Variants in NCAPH2 observed in about 807,000 individuals in gnomAD.
NCAPH2 encodes the protein non-SMC condensin II complex subunit H2.
Under a neutral mutation model 88.6 loss-of-function variants are expected in NCAPH2, and 56 were observed. That is an observed-to-expected ratio of 0.63 (90% CI 0.51 to 0.79). The LOEUF (loss-of-function observed/expected upper bound fraction) is 0.79, where lower values mean the gene tolerates loss of function less well. Ranked by LOEUF, NCAPH2 falls within the 30% of genes least tolerant of loss-of-function variation. NCAPH2 has a pLI of 0.00. For synonymous variants in NCAPH2, 378 were observed against 313.6 expected (o/e 1.21, Z -2.17); for missense variants, 794 against 792.0 (o/e 1.00, Z -0.03).
rs747074813 is a variant in NCAPH2, at chr22:50,522,434, G to T, written c.1306+19G>T. The T allele has an allele frequency of 1.9e-6, 3 of 1,612,346 alleles. No individual in the cohort carries two copies. The highest frequency in any genetic ancestry group is 1.1e-5 in the South Asian group (1 of 91,044). On this transcript the variant is annotated intron_variant, in intron 15 of 19. Transcript: ENST00000420993. ...GCAGCAGGTGGGTGCCTGCCAGGGGGTGGGGTGGGGCTTGGCACCTGCCGA... is the reference window on the plus strand; with the variant it reads ...GCAGCAGGTGGGTGCCTGCCAGGGGTTGGGGTGGGGCTTGGCACCTGCCGA...
At chr22:50,509,324 T>C (rs1195230150) in intron 1 of NCAPH2, among the ~76,000 whole-genome samples, 1 of 152,230 alleles carries the variant, frequency 6.6e-6, no homozygotes, top group Non-Finnish European at 1.5e-5. Context: ...GCTGCTCTCT[T>C]GACATCTAGT....
rs1352064111 is a variant in NCAPH2, at chr22:50,524,681, C to G, written c.*1306C>G. 8.9e-6 allele frequency: 6 copies of G among 676,140 alleles called. No homozygotes were observed. The Admixed American group carries it at 1.2e-4, about 14-fold the overall frequency. The allele number at this position is 676,140 out of a possible 1,614,324, so 41.9% of individuals were successfully genotyped here. A position where few individuals can be genotyped will look rare whatever the true frequency, so the allele number is the denominator to read the frequency against. On this transcript the variant is annotated 3_prime_UTR_variant, in exon 20 of 20. Transcript: ENST00000420993. ...CGCACCCTGCCCTGCACCTGCACCT[C>G]AGCAAGGTGAACCTCTTGCTGACGG...
rs559020419 is a variant in NCAPH2 at position 50,511,492 on chromosome 22, C to A, written c.108+3047C>A. ...TTTTTTAGTAGAGACGGGGTTTCAC[C>A]GTGTTAGCCAGGATGGTCTCGATCT... On this transcript the variant is annotated intron_variant, in intron 1 of 19. Transcript: ENST00000420993. 2.2e-3 allele frequency among the ~76,000 whole-genome samples: 314 copies of A among 141,756 alleles called. 47 individuals carry two copies. Among genetic ancestry groups the A allele is most frequent in the African/African-American group, 9.2e-3 (301 of 32,612 alleles). 93.0% of individuals were successfully genotyped at this position (141,756 alleles called of 152,430 possible). A position where few individuals can be genotyped will look rare whatever the true frequency, so the allele number is the denominator to read the frequency against.
At position 50,518,018 on chromosome 22, in the gene NCAPH2, G is replaced by T. The variant is rs1172915853; in HGVS notation, c.466G>T (p.Asp156Tyr). 6.2e-7 allele frequency: 1 copy of T among 1,613,912 alleles called. No homozygotes were observed. The highest frequency in any genetic ancestry group is 8.5e-7 in the Non-Finnish European group (1 of 1,179,982). ...CCTGCCCATGGCCCTGGTGGCCCCT[G>T]ATGAAATGGAGAAGAACAACAATCC... is the stretch of plus-strand genomic sequence containing the variant. The part of the protein sequence containing the change: ...PLLPMALVAP[D>Y]EMEKNNNPLY... Residue 156 changes from aspartate to tyrosine, a missense_variant, in exon 6 of 20, where the codon GAT becomes TAT. Around this residue, in one of 2 missense-constraint regions of NCAPH2, gnomAD observed 735 missense variants for 696.3 expected, o/e 1.06. Coordinates refer to ENST00000420993, the MANE Select transcript of NCAPH2 (RefSeq NM_152299.4).
At chr22:50,516,411 C>T (rs1225986733) in intron 1 of NCAPH2, 36 bp from the exon 2 acceptor site, 1 of 1,603,976 alleles carries the variant, frequency 6.2e-7, no homozygotes, top group South Asian at 1.1e-5. Context: ...CAGACTGGGC[C>T]TTGGATTCCC....
In NCAPH2 at chr22:50,524,515, G is replaced by T; in HGVS notation, c.*1140G>T. The T allele has an allele frequency of 8.5e-7, 1 of 1,177,888 alleles. No individual in the cohort carries two copies. The highest frequency in any genetic ancestry group is 1.2e-6 in the Non-Finnish European group (1 of 803,378). The allele number at this position is 1,177,888 out of a possible 1,614,324, so 73.0% of individuals were successfully genotyped here. ...GCGACTTGAGACCAGCCACCCATCT[G>T]AAGGACCCAGCCCACGTTCAGGCTT... On this transcript the variant is annotated 3_prime_UTR_variant, in exon 20 of 20. Coordinates refer to ENST00000420993, the MANE Select transcript of NCAPH2 (RefSeq NM_152299.4).
At position 50,516,603 on chromosome 22, in the gene NCAPH2, C is replaced by G. The variant is rs11912147; in HGVS notation, c.210+55C>G. The G allele has an allele frequency of 4.2e-3, 6,475 of 1,532,630 alleles. 178 individuals are homozygous for G. In the African/African-American group the frequency reaches 0.066, roughly 16 times the overall value. The allele number at this position is 1,532,630 out of a possible 1,614,324, so 94.9% of individuals were successfully genotyped here. ...TTTTGGTGGCCAGTGGGACCACAGT[C>G]GGCTCTCCTTCTGGGGCAGGTGCAG... On this transcript the variant is annotated intron_variant, in intron 2 of 19. Coordinates refer to ENST00000420993, the MANE Select transcript of NCAPH2 (RefSeq NM_152299.4).
At position 50,519,170 on chromosome 22, in the gene NCAPH2, C is replaced by T. The variant is rs1569520760; in HGVS notation, c.731-20C>T. 2 of 1,590,686 alleles carry T rather than the reference C, an allele frequency of 1.3e-6. No individual in the cohort carries two copies. The highest frequency in any genetic ancestry group is 1.7e-6 in the Non-Finnish European group (2 of 1,170,202). On this transcript the variant is annotated intron_variant, in intron 8 of 19. Coordinates refer to ENST00000420993, the MANE Select transcript of NCAPH2 (RefSeq NM_152299.4). Reference sequence around the variant, plus strand: ...TCTCGGCACTCCTTGGAGCTGATCACTCTCTTGCTCCCTGCCTAGGCCCCT... The same window carrying T: ...TCTCGGCACTCCTTGGAGCTGATCATTCTCTTGCTCCCTGCCTAGGCCCCT...
intron 1 of NCAPH2, among the ~76,000 whole-genome samples, chr22:50,511,048 G>A (rs12484990): frequency 0.017 from 2,589 of 151,302 alleles, 123 homozygotes; most frequent in East Asian, 0.089. Flanking sequence ...GGGTTTTACC[G>A]TGTTAGCCAG....
Position 50,523,547 on chromosome 22 carries a change from C to A in NCAPH2, c.*172C>A. The A allele has an allele frequency of 6.3e-7, 1 of 1,589,592 alleles. No individual in the cohort carries two copies. Among genetic ancestry groups the A allele is most frequent in the Middle Eastern group, 2.2e-4 (1 of 4,620 alleles). On this transcript the variant is annotated 3_prime_UTR_variant, in exon 20 of 20. Transcript: ENST00000420993. ...GCCTGGCCTCCCTGGGCCGCTGGTA[C>A]AGATCACACACACACACAGATTAAA...
chr22:50,511,527 A>G (rs6010125), intron 1 of NCAPH2, among the ~76,000 whole-genome samples: 6,674 of 131,532 alleles, frequency 0.051, 866 homozygotes, highest in Middle Eastern at 0.21. Flanking sequence ...TCCTGACCTC[A>G]TGATCCACCC....
chr22:50,515,614 T>G (rs1241920381), intron 1 of NCAPH2: 19 of 819,158 alleles, frequency 2.3e-5, no homozygotes, highest in Admixed American at 3.6e-5. Flanking sequence ...GCCAGGATGG[T>G]CTCGATCTCC....
Position 50,524,202 on chromosome 22 carries a change from T to G in NCAPH2, c.*827T>G, listed in dbSNP as rs898428154. The G allele has an allele frequency of 1.2e-6, 2 of 1,608,216 alleles. No individual in the cohort carries two copies. Among genetic ancestry groups the G allele is most frequent in the Non-Finnish European group, 1.7e-6 (2 of 1,179,896 alleles). Reference sequence around the variant, plus strand: ...TCAGGGCCAGCCAGGCCCCACCGAGTCCAGCCCCGAACAGGCCTGTGATCA... The same window carrying G: ...TCAGGGCCAGCCAGGCCCCACCGAGGCCAGCCCCGAACAGGCCTGTGATCA... On this transcript the variant is annotated 3_prime_UTR_variant, in exon 20 of 20. Coordinates refer to ENST00000420993, the MANE Select transcript of NCAPH2 (RefSeq NM_152299.4).
intron 1 of NCAPH2, among the ~76,000 whole-genome samples, chr22:50,513,138 G>A (rs1461744765): frequency 6.6e-6 from 1 of 152,258 alleles, no homozygotes; most frequent in Non-Finnish European, 1.5e-5. Context: ...AACCTTGTTA[G>A]TAGAGGCGTT....
rs566087824 is a variant in NCAPH2 at position 50,523,885 on chromosome 22, G to A, written c.*510G>A. 31 of 1,613,920 alleles carry A rather than the reference G, an allele frequency of 1.9e-5. 1 individual carries two copies. In the Admixed American group the frequency reaches 3.0e-4, roughly 16 times the overall value. On this transcript the variant is annotated 3_prime_UTR_variant, in exon 20 of 20. Transcript: ENST00000420993. ...GAAGTCCTGGACGTAGCGGGCCATGGCTTCAACGTCGTCCCGCTCGGGGTC... is the reference window on the plus strand; with the variant it reads ...GAAGTCCTGGACGTAGCGGGCCATGACTTCAACGTCGTCCCGCTCGGGGTC...
chr22:50,517,838 T>A, intron 5 of NCAPH2, 29 bp downstream of exon 5: 1 of 1,612,098 alleles, frequency 6.2e-7, no homozygotes, highest in South Asian at 1.1e-5. Context: ...CCTCTTAGGC[T>A]GGGGTGAGGT....
chr22:50,511,969 G>A (rs1475857699), intron 1 of NCAPH2, among the ~76,000 whole-genome samples: 2 of 152,110 alleles, frequency 1.3e-5, no homozygotes, highest in African/African-American at 4.8e-5. Context: ...TGTATTTTTA[G>A]TAGAGATGGG....
chr22:50,516,966 C>T (rs1237556079), intron 2 of NCAPH2, among the ~76,000 whole-genome samples: 2 of 152,220 alleles, frequency 1.3e-5, no homozygotes, highest in Admixed American at 6.5e-5. Context: ...CTCTGTCCTG[C>T]AGGCCCCGTG....
intron 1 of NCAPH2, chr22:50,515,743 A>C (rs887044432): frequency 7.7e-7 from 1 of 1,296,010 alleles, no homozygotes; most frequent in Non-Finnish European, 1.0e-6. Context: ...GAAGGAATAC[A>C]GGAGATGAGC....
Sources: allele counts gnomAD v4.1 joint callset (sites outside exome capture counted in the v4.1 genomes callset), GRCh38; gene constraint gnomAD v4.1.1; regional missense constraint gnomAD v4.1.1; transcripts MANE v1.5; gene names NCBI Gene and HGNC (gene_info 2026-07-23, HGNC 2026-07-21).